LRP10: variants seen among roughly 807,000 people sequenced by gnomAD.
LRP10 encodes LDL receptor related protein 10.
In LRP10, 42 loss-of-function variants were observed where a neutral mutation model predicts 58.5. The ratio of observed to expected loss-of-function variants is 0.72; its 90% CI spans 0.56 to 0.93. The LOEUF is 0.93. LRP10 is among the 40% of genes least tolerant of loss of function. LRP10 has a pLI of 0.00. For missense variants in LRP10, 872 were observed against 940.1 expected (o/e 0.93, Z 0.95); for synonymous variants, 377 against 388.5 (o/e 0.97, Z 0.35).
In LRP10 at chr14:22,875,970, C is replaced by T. The variant is rs2040000831; in HGVS notation, c.1022C>T (p.Ser341Leu). 6.2e-7 allele frequency: 1 copy of T among 1,613,468 alleles called. No individual in the cohort carries two copies. The highest frequency in any genetic ancestry group is 1.3e-5 in the African/African-American group (1 of 74,948). ...CYSEAQRCDG[S>L]WDCADGTDEE... ...AGTGAGGCACAGCGCTGTGACGGCT[C>T]ATGGGACTGTGCTGACGGCACAGAT... Residue 341 changes from serine (S) to leucine (L), a missense_variant, in exon 5 of 7, where the codon TCA becomes TTA. Transcript: ENST00000359591.
Position 22,875,519 on chromosome 14 carries a change from C to A in LRP10, c.571C>A (p.Pro191Thr), listed in dbSNP as rs766500903. The change falls in exon 5 of 7, where the codon CCT (proline) becomes ACT (threonine). Residue 191 changes from proline to threonine, a missense_variant. Coordinates refer to ENST00000359591, the MANE Select transcript of LRP10 (RefSeq NM_014045.5). ...GACCCCAAGACCCGTCCCCTCCCTGCCTTGCAATGTCACCTTGGAGGACTT... is the reference window on the plus strand; with the variant it reads ...GACCCCAAGACCCGTCCCCTCCCTGACTTGCAATGTCACCTTGGAGGACTT... The part of the protein sequence containing the change: ...GLTPRPVPSL[P>T]CNVTLEDFYG... 1 of 1,614,066 alleles carries A rather than the reference C, an allele frequency of 6.2e-7. No individual in the cohort carries two copies. The highest frequency in any genetic ancestry group is 8.5e-7 in the Non-Finnish European group (1 of 1,180,018).
rs201713002 is a variant in LRP10 at position 22,873,426 on chromosome 14, G to C, written c.195G>C (p.Lys65Asn). The change falls in exon 3 of 7, where the codon AAG (lysine) becomes AAC (asparagine). Residue 65 changes from lysine (K) to asparagine (N), a missense_variant. Coordinates refer to ENST00000359591, the MANE Select transcript of LRP10 (RefSeq NM_014045.5). ...ANCTWLILGS[K>N]EQTVTIRFQK... ...GCACCTGGCTCATCCTGGGCAGCAA[G>C]GAACAGACTGTCACCATCAGGTGAG... is the stretch of plus-strand genomic sequence containing the variant. The C allele has an allele frequency of 3.7e-6, 6 of 1,614,006 alleles. No individual in the cohort carries two copies. In the Admixed American group the frequency reaches 1.0e-4, roughly 27 times the overall value.
rs1180687013 is a variant in LRP10, at chr14:22,879,237, G to A, written c.*1710G>A. ...GAGGAAGTAGCAGAGAGGGGTGTGG[G>A]CCCATGTGCAGTTCTGGGACCCTGG... On this transcript the variant is annotated 3_prime_UTR_variant, in exon 7 of 7. Transcript: ENST00000359591. 2.2e-6 allele frequency: 1 copy of A among 456,394 alleles called. No homozygotes were observed. Among genetic ancestry groups the A allele is most frequent in the East Asian group, 6.9e-5 (1 of 14,396 alleles). 28.3% of individuals were successfully genotyped at this position (456,394 alleles called of 1,614,324 possible).
At chr14:22,873,578 G>A in intron 3 of LRP10, 132 bp downstream of exon 3, 1 of 1,142,364 alleles carries the variant, frequency 8.8e-7, no homozygotes, top group South Asian at 1.6e-5. Context: ...GGGCTGGAGT[G>A]CAATGGCGCG....
Position 22,872,135 on chromosome 14 carries a change from CG to C in LRP10, c.-168del. 1.5e-6 allele frequency: 1 copy of C among 668,750 alleles called. No homozygotes were observed. The highest frequency in any genetic ancestry group is 2.6e-6 in the Non-Finnish European group (1 of 379,694). The allele number at this position is 668,750 out of a possible 1,614,324, so 41.4% of individuals were successfully genotyped here. ...ACCGCCCCTACTCCCGGGCTGCCGC[CG>C]CCTCCCCGCCCCCAGCCCTGGCATC... On this transcript the variant is annotated 5_prime_UTR_variant, in exon 1 of 7. Transcript: ENST00000359591.
chr14:22,875,477 G>T lies in LRP10; in HGVS notation c.529G>T (p.Asp177Tyr), dbSNP rs774379373. Reference protein sequence around the residue: ...DGSDEAGCSSDPFPGLTPRPV... With the variant: ...DGSDEAGCSSYPFPGLTPRPV... ...CTCTGATGAAGCAGGTTGCAGCTCAGACCCCTTCCCTGGCCTGACCCCAAG... is the reference window on the plus strand; with the variant it reads ...CTCTGATGAAGCAGGTTGCAGCTCATACCCCTTCCCTGGCCTGACCCCAAG... The change falls in exon 5 of 7, where the codon GAC becomes TAC. Residue 177 changes from aspartate (D) to tyrosine (Y), a missense_variant. Coordinates refer to ENST00000359591, the MANE Select transcript of LRP10 (RefSeq NM_014045.5). The T allele has an allele frequency of 6.2e-7, 1 of 1,614,218 alleles. No individual in the cohort carries two copies. Among genetic ancestry groups the T allele is most frequent in the Admixed American group, 1.7e-5 (1 of 60,030 alleles).
At chr14:22,872,846 C>T (rs1429962949) in intron 2 of LRP10, 64 bp downstream of exon 2, 14 of 1,527,496 alleles carry the variant, frequency 9.2e-6, no homozygotes, top group Non-Finnish European at 1.2e-5. Context: ...GAGAAGGACT[C>T]TCTGTTCCCT....
Position 22,875,168 on chromosome 14 carries a change from G to T in LRP10, c.329G>T (p.Gly110Val), listed in dbSNP as rs751186891. 1.2e-6 allele frequency: 2 copies of T among 1,613,614 alleles called. No homozygotes were observed. Among genetic ancestry groups the T allele is most frequent in the Non-Finnish European group, 1.7e-6 (2 of 1,179,796 alleles). The change falls in exon 4 of 7, where the codon GGC (glycine) becomes GTC (valine). Residue 110 changes from glycine to valine, a missense_variant. Physicochemically the swap from Gly to Val is moderately radical, Grantham distance 109. Transcript: ENST00000359591. Reference protein sequence around the residue: ...APPSPLQLPGGNVTITYSYAG... With the variant: ...APPSPLQLPGVNVTITYSYAG... ...CCCAGCCCTCTGCAGCTGCCCGGGG[G>T]CAACGTCACCATCACTTACAGCTAT...
In LRP10 at chr14:22,879,231, G is replaced by A. The variant is rs1351810934; in HGVS notation, c.*1704G>A. 8.8e-6 allele frequency: 4 copies of A among 456,508 alleles called. No individual in the cohort carries two copies. Among genetic ancestry groups the A allele is most frequent in the Non-Finnish European group, 1.8e-5 (4 of 226,906 alleles). 28.3% of individuals were successfully genotyped at this position (456,508 alleles called of 1,614,324 possible). On this transcript the variant is annotated 3_prime_UTR_variant, in exon 7 of 7. Transcript: ENST00000359591. ...GAGCCTGAGGAAGTAGCAGAGAGGG[G>A]TGTGGGCCCATGTGCAGTTCTGGGA...
Position 22,877,465 on chromosome 14 carries a change from G to T in LRP10, c.2080G>T (p.Val694Leu), listed in dbSNP as rs770688126. Residue 694 changes from valine to leucine, a missense_variant, in exon 7 of 7, where the codon GTG becomes TTG. Transcript: ENST00000359591. This position sits in a 1 kb window ranked among gnomAD's most constrained non-coding sequence, Gnocchi z 5.1. ...ALEDEDDVLL[V>L]PLAEPGVWVA... ...GGAAGATGAGGACGATGTGCTACTGGTGCCACTGGCTGAGCCGGGGGTGTG... is the reference window on the plus strand; with the variant it reads ...GGAAGATGAGGACGATGTGCTACTGTTGCCACTGGCTGAGCCGGGGGTGTG... 1 of 1,613,044 alleles carries T rather than the reference G, an allele frequency of 6.2e-7. No homozygotes were observed. Among genetic ancestry groups the T allele is most frequent in the Non-Finnish European group, 8.5e-7 (1 of 1,179,822 alleles).
chr14:22,877,774 ACCT>A lies in LRP10; in HGVS notation c.*248_*250del. 1.5e-5 allele frequency: 6 copies of A among 401,830 alleles called. No homozygotes were observed. The highest frequency in any genetic ancestry group is 2.6e-5 in the Non-Finnish European group (6 of 227,374). The allele number at this position is 401,830 out of a possible 1,614,324, so 24.9% of individuals were successfully genotyped here. Reference sequence around the variant, plus strand: ...CAGACACCCCAGTCCCTTCACCACCACCTGCTCCCCACGCCACCACCATTTGGG... The same window carrying A: ...CAGACACCCCAGTCCCTTCACCACCAGCTCCCCACGCCACCACCATTTGGG... On this transcript the variant is annotated 3_prime_UTR_variant, in exon 7 of 7. Transcript: ENST00000359591. The surrounding 1 kb of genome is among the most constrained non-coding windows in gnomAD (Gnocchi z 5.1).
chr14:22,875,940 G>T lies in LRP10; in HGVS notation c.992G>T (p.Cys331Phe). ...GCTGGCGAAGGCCTAGGTGAGCGCT[G>T]CTACAGTGAGGCACAGCGCTGTGAC... Reference protein sequence around the residue: ...LGAGEGLGERCYSEAQRCDGS... With the variant: ...LGAGEGLGERFYSEAQRCDGS... Residue 331 changes from cysteine (C) to phenylalanine (F), a missense_variant, in exon 5 of 7, where the codon TGC (cysteine) becomes TTC (phenylalanine). Cys to Phe is a radical substitution (Grantham distance 205, BLOSUM62 -2). Transcript: ENST00000359591. 6.2e-7 allele frequency: 1 copy of T among 1,613,744 alleles called. No homozygotes were observed.
At position 22,875,685 on chromosome 14, in the gene LRP10, C is replaced by T. The variant is rs761018901; in HGVS notation, c.737C>T (p.Ala246Val). ...GCCCTGGACTTGGGCTTTGGAGATG[C>T]AGTGCATGTGTATGACGGCCCTGGG... ...FTALDLGFGDAVHVYDGPGPP... is the reference protein window; with the variant it reads ...FTALDLGFGDVVHVYDGPGPP... Residue 246 changes from alanine (A) to valine (V), a missense_variant, in exon 5 of 7, where the codon GCA (alanine) becomes GTA (valine). Ala to Val is a moderately conservative substitution (Grantham distance 64). Coordinates refer to ENST00000359591, the MANE Select transcript of LRP10 (RefSeq NM_014045.5). 5 of 1,614,142 alleles carry T rather than the reference C, an allele frequency of 3.1e-6. No individual in the cohort carries two copies. Among genetic ancestry groups the T allele is most frequent in the Non-Finnish European group, 4.2e-6 (5 of 1,180,044 alleles).
At chr14:22,872,667 A>T (rs1443718410) in intron 1 of LRP10, 71 bp from the exon 2 acceptor site, 13 of 1,494,364 alleles carry the variant, frequency 8.7e-6, no homozygotes, top group Non-Finnish European at 1.2e-5. Flanking sequence ...GGCTCCCTTG[A>T]GTTGCTCAGG....
chr14:22,879,382 A>G lies in LRP10; in HGVS notation c.*1855A>G. 3.2e-6 allele frequency: 1 copy of G among 311,588 alleles called. No individual in the cohort carries two copies. The highest frequency in any genetic ancestry group is 6.7e-6 in the Non-Finnish European group (1 of 148,182). 19.3% of individuals were successfully genotyped at this position (311,588 alleles called of 1,614,324 possible). ...TTCTCCCTTTGGGCCCTCCTTCCCA[A>G]ACGCAAACAATCCAGGATCCACTCA... On this transcript the variant is annotated 3_prime_UTR_variant, in exon 7 of 7. Coordinates refer to ENST00000359591, the MANE Select transcript of LRP10 (RefSeq NM_014045.5).
Position 22,881,605 on chromosome 14 carries a change from C to T in LRP10, c.*4078C>T, listed in dbSNP as rs972806885. ...ATTTTGTGTGTGTGTGGTGTTGCCT[C>T]CCTGACTACAAGGGGTCACTTGCTA... is the stretch of plus-strand genomic sequence containing the variant. On this transcript the variant is annotated 3_prime_UTR_variant, in exon 7 of 7. Coordinates refer to ENST00000359591, the MANE Select transcript of LRP10 (RefSeq NM_014045.5). 11 of 152,116 alleles carry T rather than the reference C, an allele frequency of 7.2e-5. No individual in the cohort carries two copies. The highest frequency in any genetic ancestry group is 2.7e-4 in the African/African-American group (11 of 41,406). The allele number at this position is 152,116 out of a possible 1,614,324, so 9.4% of individuals were successfully genotyped here. A position where few individuals can be genotyped will look rare whatever the true frequency, so the allele number is the denominator to read the frequency against.
chr14:22,872,656 T>G (rs755699845), intron 1 of LRP10, 82 bp from the exon 2 acceptor site: 7 of 1,391,404 alleles, frequency 5.0e-6, no homozygotes, highest in Non-Finnish European at 7.1e-6. Context: ...AAGTCCCGGA[T>G]GGCTCCCTTG....
In LRP10 at chr14:22,875,412, C is replaced by T. The variant is rs140750391; in HGVS notation, c.464C>T (p.Ala155Val). The T allele has an allele frequency of 1.9e-6, 3 of 1,614,048 alleles. No individual in the cohort carries two copies. The highest frequency in any genetic ancestry group is 2.5e-6 in the Non-Finnish European group (3 of 1,180,040). The change falls in exon 5 of 7, where the codon GCT (alanine) becomes GTT (valine). Residue 155 changes from alanine (A) to valine (V), a missense_variant. Transcript: ENST00000359591. ...TGCCTGAACCACCGCTGTGTATCTG[C>T]TGTCCAGCGCTGTGATGGGGTTGAT... ...FQCLNHRCVS[A>V]VQRCDGVDAC... is the part of the protein sequence containing the mutation.
In LRP10 at chr14:22,877,229, C is replaced by G; in HGVS notation, c.1844C>G (p.Pro615Arg). 4 of 1,604,204 alleles carry G rather than the reference C, an allele frequency of 2.5e-6. No individual in the cohort carries two copies. Among genetic ancestry groups the G allele is most frequent in the Non-Finnish European group, 3.4e-6 (4 of 1,175,176 alleles). The change falls in exon 7 of 7, where the codon CCA becomes CGA. Residue 615 changes from proline to arginine, a missense_variant. Pro to Arg is a moderately radical substitution (Grantham distance 103). Transcript: ENST00000359591. This position sits in a 1 kb window ranked among gnomAD's most constrained non-coding sequence, Gnocchi z 5.1. ...GGGCAAGATGGGGAGCAGGCACCCC[C>G]ACTGCCCATCAAGGCTCCCCTCCCA... ...VGGQDGEQAP[P>R]LPIKAPLPSA...
Sources: gnomAD v4.1 joint callset for allele counts on GRCh38, gnomAD v4.1.1 for gene constraint, Gnocchi (gnomAD v3.1) non-coding constraint, MANE v1.5 for transcripts, NCBI Gene and HGNC (gene_info 2026-07-23, HGNC 2026-07-21) for gene names.